Variants in TMEFF2 observed in about 807,000 individuals in gnomAD.
TMEFF2 encodes the protein tomoregulin-2.
Under a neutral mutation model 53.8 loss-of-function variants are expected in TMEFF2, and 28 were observed. The observed-to-expected ratio is 0.52, with a 90% confidence interval of 0.39 to 0.71. TMEFF2 has a LOEUF of 0.71. Ranked by LOEUF, TMEFF2 falls within the 30% of genes least tolerant of loss-of-function variation. The pLI, the probability that TMEFF2 is intolerant of heterozygous loss-of-function variation, is 0.00. For synonymous variants in TMEFF2, 162 were observed against 166.3 expected (o/e 0.97, Z 0.20); for missense variants, 353 against 455.2 (o/e 0.78, Z 2.04).
chr2:191,980,644 C>T (rs1019894853), intron 7 of TMEFF2, among the ~76,000 whole-genome samples: 1 of 152,160 alleles, frequency 6.6e-6, no homozygotes, highest in Non-Finnish European at 1.5e-5. Flanking sequence ...TTCACTGCCA[C>T]CCCCAGCGTC....
intron 7 of TMEFF2, among the ~76,000 whole-genome samples, chr2:191,994,913 C>G (rs914252256): frequency 6.6e-6 from 1 of 151,882 alleles, no homozygotes; most frequent in Admixed American, 6.6e-5. Flanking sequence ...TGCCTTGGGT[C>G]TCATTAAAGG....
At chr2:191,973,330 T>C (rs1692702478) in intron 7 of TMEFF2, among the ~76,000 whole-genome samples, 1 of 152,032 alleles carries the variant, frequency 6.6e-6, no homozygotes, top group Non-Finnish European at 1.5e-5. Flanking sequence ...TAAAATTTTG[T>C]TTTTGTAGCT....
At chr2:192,141,302 A>G (rs915309004) in intron 4 of TMEFF2, among the ~76,000 whole-genome samples, 2 of 151,800 alleles carry the variant, frequency 1.3e-5, no homozygotes, top group Admixed American at 6.6e-5. Context: ...AAAATACAAA[A>G]ATTAGCCGGG....
Position 192,181,577 on chromosome 2 carries a change from T to C in TMEFF2, c.413-1883A>G, listed in dbSNP as rs190301246. On this transcript the variant is annotated intron_variant, in intron 3 of 9. Coordinates refer to ENST00000272771, the MANE Select transcript of TMEFF2 (RefSeq NM_016192.4). Reference sequence around the variant, plus strand: ...AATGGGTACAGTAATATCTAACCGATTGGGCTATTTTGAGGCTTACTGCAC... The same window carrying C: ...AATGGGTACAGTAATATCTAACCGACTGGGCTATTTTGAGGCTTACTGCAC... Among the ~76,000 whole-genome samples the C allele has an allele frequency of 4.0e-5, 6 of 151,870 alleles. No individual in the cohort carries two copies. The East Asian group carries it at 9.7e-4, about 25-fold the overall frequency.
chr2:192,038,627 G>A (rs1335082539), intron 5 of TMEFF2, among the ~76,000 whole-genome samples: 3 of 151,868 alleles, frequency 2.0e-5, no homozygotes, highest in Non-Finnish European at 4.4e-5. Flanking sequence ...GAGTAGCTGG[G>A]ACTACAGATG....
Position 192,048,361 on chromosome 2 carries a change from A to ACACACACACACACACAC in TMEFF2, c.536+9317_536+9318insGTGTGTGTGTGTGTGTG, listed in dbSNP as rs1687676470. Among the ~76,000 whole-genome samples the ACACACACACACACACAC allele has an allele frequency of 2.7e-3, 384 of 143,232 alleles. 2 individuals carry two copies. Among genetic ancestry groups the ACACACACACACACACAC allele is most frequent in the African/African-American group, 9.4e-3 (362 of 38,310 alleles). 94.0% of individuals were successfully genotyped at this position (143,232 alleles called of 152,430 possible). On this transcript the variant is annotated intron_variant, in intron 5 of 9. Transcript: ENST00000272771. ...GTAAAATATTATTAGATTCTCATAA[A>ACACACACACACACACAC]ACACACACACACACACACACACACA...
chr2:192,092,484 A>G (rs1030986191), intron 4 of TMEFF2, among the ~76,000 whole-genome samples: 8 of 152,278 alleles, frequency 5.3e-5, no homozygotes, highest in African/African-American at 1.9e-4. Flanking sequence ...TGCTCCCAAC[A>G]ACAATATATA....
rs541477920 is a variant in TMEFF2, at chr2:192,008,105, G to C, written c.537-8897C>G. 2.0e-5 allele frequency among the ~76,000 whole-genome samples: 3 copies of C among 152,272 alleles called. No homozygotes were observed. In the South Asian group the frequency reaches 6.2e-4, roughly 32 times the overall value. On this transcript the variant is annotated intron_variant, in intron 5 of 9. Coordinates refer to ENST00000272771, the MANE Select transcript of TMEFF2 (RefSeq NM_016192.4). ...TCACTATTGGGACAGAAGCAAACAG[G>C]CTTCTATCACAACAGTGACAGCATG... is the stretch of plus-strand genomic sequence containing the variant.
intron 4 of TMEFF2, among the ~76,000 whole-genome samples, chr2:192,146,065 A>G (rs1370007956): frequency 6.6e-6 from 1 of 151,990 alleles, no homozygotes; most frequent in Non-Finnish European, 1.5e-5. Flanking sequence ...GAATCACCTC[A>G]TGCAGGCAGG....
At chr2:191,976,602 A>T (rs1455274582) in intron 7 of TMEFF2, among the ~76,000 whole-genome samples, 2 of 152,216 alleles carry the variant, frequency 1.3e-5, no homozygotes. Flanking sequence ...ATTATTGTTA[A>T]TGGTCTTTTG....
At chr2:192,119,898 A>C (rs1057092851) in intron 4 of TMEFF2, among the ~76,000 whole-genome samples, 4 of 152,186 alleles carry the variant, frequency 2.6e-5, no homozygotes, top group South Asian at 4.1e-4. Flanking sequence ...TTTAAAGCCA[A>C]CCTGGGTTAA....
chr2:192,138,884 A>G (rs971694115), intron 4 of TMEFF2, among the ~76,000 whole-genome samples: 2 of 152,234 alleles, frequency 1.3e-5, no homozygotes, highest in African/African-American at 4.8e-5. Context: ...TTGAAAAACA[A>G]TTTAAGAATC....
intron 4 of TMEFF2, among the ~76,000 whole-genome samples, chr2:192,114,431 CTG>C (rs1689352749): frequency 6.7e-6 from 1 of 149,764 alleles, no homozygotes; most frequent in African/African-American, 2.4e-5. Context: ...CCATATAACA[CTG>C]AGAGTCCTAG....
At position 192,057,623 on chromosome 2, in the gene TMEFF2, AAAAG is replaced by A. The variant is rs143246262; in HGVS notation, c.536+52_536+55del. 2,430 of 1,444,934 alleles carry A rather than the reference AAAAG, an allele frequency of 1.7e-3. 44 individuals are homozygous for A. The African/African-American group carries it at 0.029, about 18-fold the overall frequency. The allele number at this position is 1,444,934 out of a possible 1,614,324, so 89.5% of individuals were successfully genotyped here. ...TGTTGCAGAATGGTTGATGGTGTTA[AAAAG>A]AAATTAATCACTGTCATTATTTTGT... On this transcript the variant is annotated intron_variant, in intron 5 of 9. Coordinates refer to ENST00000272771, the MANE Select transcript of TMEFF2 (RefSeq NM_016192.4).
intron 7 of TMEFF2, among the ~76,000 whole-genome samples, chr2:191,990,289 G>GT (rs1457579613): frequency 2.6e-5 from 4 of 152,106 alleles, no homozygotes; most frequent in Non-Finnish European, 4.4e-5. Context: ...AGTTGATAAT[G>GT]TTTATATATA....
At chr2:192,021,535 T>G (rs1686860633) in intron 5 of TMEFF2, among the ~76,000 whole-genome samples, 1 of 152,014 alleles carries the variant, frequency 6.6e-6, no homozygotes, top group South Asian at 2.1e-4. Context: ...ACAGAGACCA[T>G]AGTAAACCTG....
chr2:192,131,555 C>T (rs1689829530), intron 4 of TMEFF2, among the ~76,000 whole-genome samples: 1 of 151,868 alleles, frequency 6.6e-6, no homozygotes, highest in African/African-American at 2.4e-5. Flanking sequence ...CTTATTTCCA[C>T]ACCCCAACCT....
intron 4 of TMEFF2, among the ~76,000 whole-genome samples, chr2:192,164,161 G>A (rs1035686221): frequency 5.3e-5 from 8 of 152,068 alleles, no homozygotes; most frequent in African/African-American, 1.9e-4. Context: ...ATGATGCAAT[G>A]AATAAATTCC....
rs1011952061 is a variant in TMEFF2 at position 192,132,678 on chromosome 2, G to T, written c.439+46990C>A. On this transcript the variant is annotated intron_variant, in intron 4 of 9. Transcript: ENST00000272771. ...AGCGGCCAGGCGTTCCTCCAGGCCC[G>T]CTTCCCCCAGGAGCTTGCTACAAGT... Among the ~76,000 whole-genome samples, 26 of 152,176 alleles carry T rather than the reference G, an allele frequency of 1.7e-4. No homozygotes were observed. The East Asian group carries it at 3.7e-3, about 22-fold the overall frequency.
Sources: allele counts gnomAD v4.1 joint callset (sites outside exome capture counted in the v4.1 genomes callset), GRCh38; gene constraint gnomAD v4.1.1; transcripts MANE v1.5; gene names NCBI Gene and HGNC (gene_info 2026-07-23, HGNC 2026-07-21).